The following SNX20 variants were observed in gnomAD, a reference collection of about 807,000 sequenced individuals.
The protein encoded by SNX20 is sorting nexin 20, also known as sorting nexin-20.
In SNX20, 21 loss-of-function variants were observed where a neutral mutation model predicts 24.5. The observed-to-expected ratio is 0.86, with a 90% confidence interval of 0.61 to 1.23. The LOEUF is 1.23. Among genes scored for constraint, SNX20 ranks in the 50% most tolerant of loss-of-function variants. The probability of loss-of-function intolerance (pLI) is 0.00; values close to 1 mark genes in which losing one functional copy is unlikely to be tolerated. For missense variants in SNX20, 433 were observed against 430.8 expected (o/e 1.00, Z -0.04); for synonymous variants, 206 against 192.8 (o/e 1.07, Z -0.57).
At chr16:50,680,365 C>T (rs1963270681) in intron 1 of SNX20, among the ~76,000 whole-genome samples, 1 of 152,122 alleles carries the variant, frequency 6.6e-6, no homozygotes, top group Non-Finnish European at 1.5e-5. Flanking sequence ...AGTGTTGTTG[C>T]TGTTGGCCTG....
intron 3 of SNX20, among the ~76,000 whole-genome samples, chr16:50,675,407 T>C (rs1418484926): frequency 2.6e-5 from 4 of 152,246 alleles, no homozygotes; most frequent in African/African-American, 7.2e-5. Context: ...ATGTGCTTCA[T>C]GTTTTTAAAA....
In SNX20 at chr16:50,677,451, C is replaced by T. The variant is rs769407020; in HGVS notation, c.76G>A (p.Glu26Lys). The part of the protein sequence containing the change: ...ITQCTARTQQ[E>K]APATGPDLPH... ...AGGTCGGGGCCAGTGGCTGGTGCTT[C>T]CTGCTGGGTCCTTGCCGTGCACTGG... The change falls in exon 2 of 4, where the codon GAA becomes AAA. Residue 26 changes from glutamate to lysine, a missense_variant. Physicochemically the swap from Glu to Lys is moderately conservative, Grantham distance 56. Coordinates refer to ENST00000330943, the MANE Select transcript of SNX20 (RefSeq NM_182854.4). The T allele has an allele frequency of 6.2e-7, 1 of 1,609,844 alleles. No individual in the cohort carries two copies. The highest frequency in any genetic ancestry group is 1.1e-5 in the South Asian group (1 of 90,378).
Position 50,673,803 on chromosome 16 carries a change from G to A in SNX20, c.554C>T (p.Thr185Met). The part of the protein sequence containing the change: ...RRSREFLDFL[T>M]RPELREAFGC... ...GAAAGCCTCGCGCAGCTCCGGCCGC[G>A]TGAGGAAGTCCAGGAACTCCCGGGA... is the stretch of plus-strand genomic sequence containing the variant. Residue 185 changes from threonine to methionine, a missense_variant, in exon 4 of 4, where the codon ACG (threonine) becomes ATG (methionine). Thr to Met is a moderately conservative substitution (Grantham distance 81). Transcript: ENST00000330943. The surrounding 1 kb of genome is among the most constrained non-coding windows in gnomAD (Gnocchi z 4.1). 6.3e-7 allele frequency: 1 copy of A among 1,588,674 alleles called. No homozygotes were observed. Among genetic ancestry groups the A allele is most frequent in the Non-Finnish European group, 8.5e-7 (1 of 1,173,008 alleles).
At chr16:50,667,600 A>G (rs889047001), downstream of SNX20, 1 of 236,000 alleles carries the variant, frequency 4.2e-6, no homozygotes, top group African/African-American at 2.2e-5. Flanking sequence ...TAGGAGTGCC[A>G]GGGATCTTTG....
At position 50,675,916 on chromosome 16, in the gene SNX20, G is replaced by A. The variant is rs753600606; in HGVS notation, c.136C>T (p.His46Tyr). The A allele has an allele frequency of 2.9e-5, 46 of 1,605,642 alleles. No homozygotes were observed. Among genetic ancestry groups the A allele is most frequent in the Non-Finnish European group, 3.8e-5 (45 of 1,177,446 alleles). ...CTGGAGTTGGAGCTCAGGCCACTGT[G>A]TGTGTCTGGAAGGACAACACCCTTA... is the stretch of plus-strand genomic sequence containing the variant. ...HPGPDGHLDT[H>Y]SGLSSNSSMT... Residue 46 changes from histidine (H) to tyrosine (Y), a missense_variant, in exon 3 of 4, where the codon CAC becomes TAC. Coordinates refer to ENST00000330943, the MANE Select transcript of SNX20 (RefSeq NM_182854.4).
intron 1 of SNX20, among the ~76,000 whole-genome samples, chr16:50,680,618 A>G (rs1370956665): frequency 2.6e-5 from 4 of 152,108 alleles, no homozygotes; most frequent in Non-Finnish European, 5.9e-5. Flanking sequence ...AATAAAGCAC[A>G]TGGCCCACGC....
chr16:50,668,726 T>C (rs1962972930), downstream of SNX20: 5 of 1,100,334 alleles, frequency 4.5e-6, no homozygotes, highest in Non-Finnish European at 5.5e-6. Context: ...AGCTTGGCTT[T>C]TGAGCCCAAG....
At chr16:50,668,269 T>C, downstream of SNX20, 1 of 1,414,108 alleles carries the variant, frequency 7.1e-7, no homozygotes, top group Non-Finnish European at 9.2e-7. Flanking sequence ...AGGACAACAT[T>C]TTCCAGTCCT....
rs1225140495 is a variant in SNX20, at chr16:50,672,359, T to G, written c.*1047A>C. On this transcript the variant is annotated 3_prime_UTR_variant, in exon 4 of 4. Transcript: ENST00000330943. ...AATGAAAATCCACCCCTAGACAATG[T>G]GCTATGCCATCCCAGCCAGAAAAAT... 1 of 152,216 alleles carries G rather than the reference T, an allele frequency of 6.6e-6. No homozygotes were observed. Among genetic ancestry groups the G allele is most frequent in the East Asian group, 1.9e-4 (1 of 5,194 alleles). The allele number at this position is 152,216 out of a possible 1,614,324, so 9.4% of individuals were successfully genotyped here. A position where few individuals can be genotyped will look rare whatever the true frequency, so the allele number is the denominator to read the frequency against.
chr16:50,667,676 G>A, downstream of SNX20: 1 of 350,460 alleles, frequency 2.9e-6, no homozygotes, highest in Non-Finnish European at 5.3e-6. Flanking sequence ...CATGTTGGGA[G>A]TCAACTTAGC....
chr16:50,668,914 GA>G, downstream of SNX20: 3 of 1,459,848 alleles, frequency 2.1e-6, no homozygotes, highest in Non-Finnish European at 2.7e-6. Context: ...CCTGAAGCCA[GA>G]AAGCTCAGGG....
intron 3 of SNX20, among the ~76,000 whole-genome samples, chr16:50,675,319 C>T (rs1211028873): frequency 6.6e-6 from 1 of 152,136 alleles, no homozygotes; most frequent in Non-Finnish European, 1.5e-5. Flanking sequence ...TTCCTTGTAT[C>T]GACTTTTCTA....
chr16:50,669,101 G>T (rs1308498257), downstream of SNX20: 1 of 1,534,888 alleles, frequency 6.5e-7, no homozygotes, highest in Non-Finnish European at 8.8e-7. Flanking sequence ...TCCCTGTCTC[G>T]CCACGTGACC....
chr16:50,667,670 T>C (rs1962945295), downstream of SNX20: 1 of 336,898 alleles, frequency 3.0e-6, no homozygotes. Flanking sequence ...TGGGGACATG[T>C]TGGGAGTCAA....
chr16:50,674,363 C>T, intron 3 of SNX20, among the ~76,000 whole-genome samples: 1 of 152,054 alleles, frequency 6.6e-6, no homozygotes, highest in Non-Finnish European at 1.5e-5. Context: ...GACCTGCCCA[C>T]CTGAGCCTCC....
Position 50,673,400 on chromosome 16 carries a change from G to C in SNX20, c.*6C>G, listed in dbSNP as rs188121414. On this transcript the variant is annotated 3_prime_UTR_variant, in exon 4 of 4. Coordinates refer to ENST00000330943, the MANE Select transcript of SNX20 (RefSeq NM_182854.4). The surrounding 1 kb of genome is among the most constrained non-coding windows in gnomAD (Gnocchi z 4.1). The stretch of plus-strand genomic sequence containing the variant: ...CTCCAGCGTCCCTGCGGGGTCCCAG[G>C]CCGGCTCAGTGCAGGTATTCTCGCA... 6.0e-3 allele frequency: 8,954 copies of C among 1,496,426 alleles called. 69 individuals are homozygous for C. The highest frequency in any genetic ancestry group is 5.5e-3 in the Non-Finnish European group (6,165 of 1,117,616). 92.7% of individuals were successfully genotyped at this position (1,496,426 alleles called of 1,614,324 possible). A position where few individuals can be genotyped will look rare whatever the true frequency, so the allele number is the denominator to read the frequency against.
chr16:50,668,650 T>G (rs1962970265), downstream of SNX20: 3 of 1,027,864 alleles, frequency 2.9e-6, no homozygotes, highest in Non-Finnish European at 3.5e-6. Flanking sequence ...CAGGAAATTC[T>G]GGGAAGGCAG....
chr16:50,675,121 T>A (rs1567370164), intron 3 of SNX20, among the ~76,000 whole-genome samples: 1 of 152,220 alleles, frequency 6.6e-6, no homozygotes, highest in Non-Finnish European at 1.5e-5. Flanking sequence ...CTATGTTATT[T>A]ATCCCGGTCC....
chr16:50,668,971 A>C (rs535307842), downstream of SNX20: 48 of 1,543,402 alleles, frequency 3.1e-5, no homozygotes, highest in East Asian at 9.8e-4. Context: ...CTGCACCCCT[A>C]GGCCCAGCTG....
Sources: gnomAD v4.1 joint callset for allele counts (sites outside exome capture counted in the v4.1 genomes callset) on GRCh38, gnomAD v4.1.1 for gene constraint, Gnocchi (gnomAD v3.1) non-coding constraint, MANE v1.5 for transcripts, NCBI Gene and HGNC (gene_info 2026-07-23, HGNC 2026-07-21) for gene names.